The following EML6 variants were observed in gnomAD, a reference collection of about 807,000 sequenced individuals.
EML6 encodes EMAP like 6, also known as echinoderm microtubule-associated protein-like 6.
Under a neutral mutation model 240.1 loss-of-function variants are expected in EML6, and 154 were observed. The ratio of observed to expected loss-of-function variants is 0.64; its 90% CI spans 0.56 to 0.73. The LOEUF (loss-of-function observed/expected upper bound fraction) is 0.73. EML6 is among the 30% of genes least tolerant of loss of function. The probability of loss-of-function intolerance (pLI) is 0.00; values close to 1 mark genes in which losing one functional copy is unlikely to be tolerated. For synonymous variants in EML6, 1,148 were observed against 899.0 expected (o/e 1.28, Z -4.95); for missense variants, 2,964 against 2,474.6 (o/e 1.20, Z -4.20).
At position 54,871,535 on chromosome 2, in the gene EML6, A is replaced by C; in HGVS notation, c.2274A>C (p.Thr758=). The C allele has an allele frequency of 6.4e-7, 1 of 1,551,838 alleles. No individual in the cohort carries two copies. The highest frequency in any genetic ancestry group is 1.2e-5 in the South Asian group (1 of 84,070). Residue 758 remains threonine, a synonymous_variant, in exon 16 of 42, where the codon ACA becomes ACC. Coordinates refer to ENST00000356458, the MANE Select transcript of EML6 (RefSeq NM_001039753.4). ...ATGCTGCTATTCATGTGTGGGACAC[A>C]CAAACTCTAAAATGTTTGTCGCTGT... ...GRDAAIHVWD[T]QTLKCLSLLK...
At chr2:54,802,630 CTACTACTACT>C (rs1670219807) in intron 2 of EML6, among the ~76,000 whole-genome samples, 1 of 108,698 alleles carries the variant, frequency 9.2e-6, no homozygotes, top group Non-Finnish European at 2.2e-5. Context: ...ACTACTACTA[CTACTACTACT>C]ACTACTACTA....
intron 6 of EML6, 101 bp downstream of exon 6, chr2:54,827,852 C>G: frequency 1.3e-6 from 1 of 784,154 alleles, no homozygotes; most frequent in Non-Finnish European, 2.1e-6. Flanking sequence ...AATCAGAGAA[C>G]CCTGCTGAAC....
At chr2:54,928,231 C>T in intron 26 of EML6, 82 bp from the exon 27 acceptor site, 2 of 1,057,270 alleles carry the variant, frequency 1.9e-6, no homozygotes. Flanking sequence ...TCCTTTGTAT[C>T]CAGTAGAAAC....
chr2:54,935,644 C>T (rs1230844272), intron 28 of EML6, among the ~76,000 whole-genome samples: 1 of 152,166 alleles, frequency 6.6e-6, no homozygotes, highest in African/African-American at 2.4e-5. Context: ...TACATTCATG[C>T]TGAGGTTTGT....
At chr2:54,799,493 C>A (rs891154786) in intron 2 of EML6, among the ~76,000 whole-genome samples, 1 of 151,298 alleles carries the variant, frequency 6.6e-6, no homozygotes, top group Admixed American at 6.6e-5. Context: ...TTACAGGTGC[C>A]CACCACCACG....
chr2:54,872,700 A>G (rs953963111), intron 16 of EML6, among the ~76,000 whole-genome samples: 5 of 152,166 alleles, frequency 3.3e-5, no homozygotes, highest in African/African-American at 4.8e-5. Context: ...GCTCCTTCAC[A>G]TCTGTCTAAC....
chr2:54,968,140 T>C lies in EML6; in HGVS notation c.5610T>C (p.Asp1870=). 2.6e-5 allele frequency: 40 copies of C among 1,551,206 alleles called. No individual in the cohort carries two copies. The highest frequency in any genetic ancestry group is 3.4e-5 in the Non-Finnish European group (39 of 1,146,994). ...TCTGTTGGAACAGCGTCCTGGGAGA[T>C]GAAGTCATTGGAATCTGGCCACGAA... ...TWASWTSVLG[D]EVIGIWPRNA... Residue 1870 remains aspartate, a synonymous_variant, in exon 40 of 42, where the codon GAT becomes GAC. Coordinates refer to ENST00000356458, the MANE Select transcript of EML6 (RefSeq NM_001039753.4).
intron 14 of EML6, 54 bp from the exon 15 acceptor site, chr2:54,869,127 C>G (rs1671121998): frequency 8.1e-7 from 1 of 1,241,150 alleles, no homozygotes; most frequent in Non-Finnish European, 1.1e-6. Context: ...ACCTCCTGCT[C>G]CATGCATTTG....
rs1676781212 is a variant in EML6, at chr2:54,967,084, A to T, written c.5578A>T (p.Thr1860Ser). The change falls in exon 39 of 42, where the codon ACC (threonine) becomes TCC (serine). Residue 1860 changes from threonine to serine, a missense_variant. Coordinates refer to ENST00000356458, the MANE Select transcript of EML6 (RefSeq NM_001039753.4). ...TGAAGCCGTGGTCATTGAGAAGATC[A>T]CCTGGGCCTCCTGGACAAGGTGACT... ...VTEAVVIEKI[T>S]WASWTSVLGD... is the part of the protein sequence containing the mutation. 6 of 1,551,162 alleles carry T rather than the reference A, an allele frequency of 3.9e-6. No homozygotes were observed. The highest frequency in any genetic ancestry group is 1.4e-5 in the African/African-American group (1 of 73,018).
chr2:54,901,665 C>T (rs1234446176), intron 22 of EML6, among the ~76,000 whole-genome samples: 2 of 152,194 alleles, frequency 1.3e-5, no homozygotes, highest in Non-Finnish European at 2.9e-5. Flanking sequence ...TCTTCAAGGG[C>T]AGGCTTGTAT....
At chr2:54,948,584 C>G (rs1675807504) in intron 28 of EML6, among the ~76,000 whole-genome samples, 1 of 152,194 alleles carries the variant, frequency 6.6e-6, no homozygotes, top group Non-Finnish European at 1.5e-5. Context: ...GTTTCAAGCC[C>G]ACATGTTCTT....
chr2:54,967,299 A>T (rs1676790623), intron 39 of EML6, 196 bp downstream of exon 39: 2 of 387,308 alleles, frequency 5.2e-6, no homozygotes, highest in South Asian at 7.5e-5. Context: ...TAGGTTTTTG[A>T]AATGCGAAGC....
intron 17 of EML6, chr2:54,881,614 A>C (rs971269819): frequency 7.0e-6 from 1 of 143,596 alleles, no homozygotes; most frequent in Non-Finnish European, 1.5e-5. Context: ...TAGCCACTGC[A>C]CTCCAGCCTG....
intron 28 of EML6, among the ~76,000 whole-genome samples, chr2:54,945,034 T>C: frequency 3.8e-5 from 2 of 53,196 alleles, no homozygotes; most frequent in Admixed American, 2.3e-4. Context: ...CCTTCCCTCC[T>C]CCTTCACTCC....
At chr2:54,798,095 C>T (rs1304268821) in intron 2 of EML6, among the ~76,000 whole-genome samples, 1 of 152,106 alleles carries the variant, frequency 6.6e-6, no homozygotes, top group Non-Finnish European at 1.5e-5. Flanking sequence ...GGTACCTTAA[C>T]AATAATTGAG....
intron 17 of EML6, among the ~76,000 whole-genome samples, chr2:54,887,544 T>A (rs960191134): frequency 8.5e-5 from 13 of 152,352 alleles, no homozygotes; most frequent in African/African-American, 3.1e-4. Context: ...TATTAATCTT[T>A]TATTGCTTTA....
Position 54,813,286 on chromosome 2 carries a change from G to C in EML6, c.252G>C (p.Glu84Asp), listed in dbSNP as rs1667940554. Residue 84 changes from glutamate (E) to aspartate (D), a missense_variant, in exon 3 of 42, where the codon GAG becomes GAC. Glu to Asp is a conservative substitution (Grantham distance 45). Coordinates refer to ENST00000356458, the MANE Select transcript of EML6 (RefSeq NM_001039753.4). ...TTGCAACTGGCCAAGTCGGGAAGGA[G>C]CCATATATATGCATATGGGATTCCT... Reference protein sequence around the residue: ...TLVATGQVGKEPYICIWDSYN... With the variant: ...TLVATGQVGKDPYICIWDSYN... 6.4e-7 allele frequency: 1 copy of C among 1,550,488 alleles called. No homozygotes were observed. Among genetic ancestry groups the C allele is most frequent in the African/African-American group, 1.4e-5 (1 of 72,994 alleles).
intron 5 of EML6, among the ~76,000 whole-genome samples, chr2:54,824,716 G>A (rs1271426051): frequency 3.3e-5 from 5 of 152,092 alleles, no homozygotes; most frequent in Non-Finnish European, 5.9e-5. Flanking sequence ...TGAGCCTACC[G>A]GGTTTGTGGA....
chr2:54,811,484 C>T lies in EML6; in HGVS notation c.198-1748C>T, dbSNP rs1451094625. ...CCATCCTCCATCTTTCTCCATCCTC[C>T]ATCTTTCTGTGTTACTGTGTATGTA... is the stretch of plus-strand genomic sequence containing the variant. On this transcript the variant is annotated intron_variant, in intron 2 of 41. Transcript: ENST00000356458. 1.3e-5 allele frequency among the ~76,000 whole-genome samples: 2 copies of T among 152,288 alleles called. 1 individual carries two copies. Among genetic ancestry groups the T allele is most frequent in the South Asian group, 4.1e-4 (2 of 4,822 alleles).
Sources: allele counts gnomAD v4.1 joint callset (sites outside exome capture counted in the v4.1 genomes callset), GRCh38; gene constraint gnomAD v4.1.1; transcripts MANE v1.5; gene names NCBI Gene and HGNC (gene_info 2026-07-23, HGNC 2026-07-21).